The following PTPRM variants were observed in gnomAD, a reference collection of about 807,000 sequenced individuals.
PTPRM encodes receptor-type tyrosine-protein phosphatase mu.
In PTPRM, 47 loss-of-function variants were observed where a neutral mutation model predicts 186.7. That is an observed-to-expected ratio of 0.25 (90% CI 0.20 to 0.32). PTPRM has a LOEUF of 0.32. PTPRM is among the 10% of genes least tolerant of loss of function. PTPRM has a pLI of 1.00. For missense variants in PTPRM, 1,494 were observed against 1,865.0 expected, an observed-to-expected ratio of 0.80 and a Z score of 3.66; for synonymous variants, 668 against 674.9, an observed-to-expected ratio of 0.99 and a Z score of 0.16.
intron 4 of PTPRM, among the ~76,000 whole-genome samples, chr18:7,907,256 G>A (rs1167420016): frequency 6.6e-6 from 1 of 152,180 alleles, no homozygotes; most frequent in East Asian, 1.9e-4. Context: ...GGCCACCACA[G>A]TGGTGAGCTG....
intron 7 of PTPRM, among the ~76,000 whole-genome samples, chr18:8,026,048 A>G (rs2085552393): frequency 6.6e-6 from 1 of 152,248 alleles, no homozygotes; most frequent in Non-Finnish European, 1.5e-5. Context: ...CTCAAAGCCC[A>G]AAGAGTAAAT....
chr18:7,928,050 T>G (rs930843794), intron 5 of PTPRM, among the ~76,000 whole-genome samples: 2 of 152,182 alleles, frequency 1.3e-5, no homozygotes, highest in Admixed American at 1.3e-4. Context: ...CCCAGTAGTA[T>G]TTTTATTCTT....
intron 19 of PTPRM, among the ~76,000 whole-genome samples, chr18:8,279,017 T>C (rs1002658996): frequency 3.3e-5 from 5 of 152,086 alleles, no homozygotes; most frequent in African/African-American, 4.8e-5. Context: ...ACATGGCACA[T>C]GTATACATAT....
At chr18:8,306,693 A>G (rs1173481350) in intron 20 of PTPRM, among the ~76,000 whole-genome samples, 2 of 152,168 alleles carry the variant, frequency 1.3e-5, no homozygotes, top group African/African-American at 4.8e-5. Context: ...CTTCAACCCC[A>G]ATGGCTAGAC....
intron 7 of PTPRM, among the ~76,000 whole-genome samples, chr18:8,023,582 C>T (rs1568202555): frequency 1.3e-5 from 2 of 152,070 alleles, no homozygotes; most frequent in East Asian, 3.9e-4. Flanking sequence ...AATTGGTACA[C>T]AAATAGTTTT....
At chr18:7,821,792 G>T (rs1486846541) in intron 2 of PTPRM, among the ~76,000 whole-genome samples, 1 of 152,198 alleles carries the variant, frequency 6.6e-6, no homozygotes, top group Non-Finnish European at 1.5e-5. Context: ...TGTGGGCAGG[G>T]CAGGTGGTAT....
At chr18:7,825,431 G>A (rs2045433465) in intron 2 of PTPRM, among the ~76,000 whole-genome samples, 1 of 152,196 alleles carries the variant, frequency 6.6e-6, no homozygotes, top group African/African-American at 2.4e-5. Context: ...TATGAACTGA[G>A]AAAGTTTGGC....
rs2044638277 is a variant in PTPRM at position 7,813,476 on chromosome 18, A to G, written c.196+39205A>G. Among the ~76,000 whole-genome samples the G allele has an allele frequency of 2.0e-5, 3 of 152,302 alleles. 1 individual carries two copies. In the South Asian group the frequency reaches 6.2e-4, roughly 32 times the overall value. On this transcript the variant is annotated intron_variant, in intron 2 of 32. Transcript: ENST00000580170. ...ATGCAACATTCTTGGTAACCACGTAAGAAATACTCAAATATTGAAGACAGA... is the reference window on the plus strand; with the variant it reads ...ATGCAACATTCTTGGTAACCACGTAGGAAATACTCAAATATTGAAGACAGA...
chr18:7,802,255 G>A (rs954040881), intron 2 of PTPRM, among the ~76,000 whole-genome samples: 2 of 152,146 alleles, frequency 1.3e-5, no homozygotes, highest in Admixed American at 6.5e-5. Context: ...GCTGCCTCCT[G>A]TGTCCCTAAA....
chr18:7,942,157 C>T (rs568355111), intron 5 of PTPRM, among the ~76,000 whole-genome samples: 4 of 151,976 alleles, frequency 2.6e-5, no homozygotes, highest in African/African-American at 7.2e-5. Flanking sequence ...GTGGCAGGCA[C>T]CTGTAGTCCC....
chr18:7,989,327 C>T lies in PTPRM; in HGVS notation c.1132+33913C>T, dbSNP rs376678134. On this transcript the variant is annotated intron_variant, in intron 7 of 32. Transcript: ENST00000580170. ...TGCAGGTTCCACTGAAATTTATGCT[C>T]ACCTTGCTTCCATATTGCTATTATT... 2.4e-4 allele frequency among the ~76,000 whole-genome samples: 37 copies of T among 152,222 alleles called. 1 individual carries two copies. Among genetic ancestry groups the T allele is most frequent in the African/African-American group, 8.7e-4 (36 of 41,556 alleles).
intron 14 of PTPRM, among the ~76,000 whole-genome samples, chr18:8,236,068 T>C (rs1172846581): frequency 6.6e-6 from 1 of 152,188 alleles, no homozygotes; most frequent in East Asian, 1.9e-4. Context: ...GAAGGATTCT[T>C]AAGATGTCAG....
intron 1 of PTPRM, among the ~76,000 whole-genome samples, chr18:7,652,930 G>C (rs1035501767): frequency 6.6e-6 from 1 of 151,634 alleles, no homozygotes; most frequent in East Asian, 1.9e-4. Flanking sequence ...ATAAAAAAGG[G>C]TTCATGCCCC....
intron 23 of PTPRM, among the ~76,000 whole-genome samples, chr18:8,346,399 C>G (rs537570810): frequency 1.3e-5 from 2 of 152,224 alleles, no homozygotes; most frequent in Non-Finnish European, 2.9e-5. Context: ...CTTGCGGCAA[C>G]CTCACGTGTC....
intron 7 of PTPRM, among the ~76,000 whole-genome samples, chr18:7,968,259 G>C (rs1353464926): frequency 1.7e-5 from 2 of 119,746 alleles, no homozygotes; most frequent in Non-Finnish European, 3.6e-5. Flanking sequence ...CAAATGCTGA[G>C]AGATTTTGTC....
At chr18:8,019,690 G>A (rs1169245893) in intron 7 of PTPRM, among the ~76,000 whole-genome samples, 1 of 150,080 alleles carries the variant, frequency 6.7e-6, no homozygotes, top group Non-Finnish European at 1.5e-5. Context: ...ATTAGGGGTG[G>A]TGCTTCACCT....
intron 2 of PTPRM, among the ~76,000 whole-genome samples, chr18:7,875,183 G>A (rs897809618): frequency 7.2e-5 from 11 of 151,946 alleles, no homozygotes; most frequent in Non-Finnish European, 1.3e-4. Flanking sequence ...GTGACAGAAC[G>A]GGTCTGTCTC....
At chr18:7,700,975 CA>C (rs1262649146) in intron 1 of PTPRM, among the ~76,000 whole-genome samples, 31 of 61,000 alleles carry the variant, frequency 5.1e-4, no homozygotes, top group South Asian at 2.0e-3. Flanking sequence ...GAGCCTATCT[CA>C]AAAAAAAAAA....
chr18:7,847,137 G>C (rs2046635087), intron 2 of PTPRM, among the ~76,000 whole-genome samples: 1 of 148,856 alleles, frequency 6.7e-6, no homozygotes, highest in South Asian at 2.1e-4. Flanking sequence ...TTCTAGTCTA[G>C]CTGCTTGGTT....
Sources: allele counts gnomAD v4.1 joint callset (sites outside exome capture counted in the v4.1 genomes callset), GRCh38; gene constraint gnomAD v4.1.1; transcripts MANE v1.5; gene names NCBI Gene and HGNC (gene_info 2026-07-23, HGNC 2026-07-21).